CDH16: variants seen among roughly 807,000 people sequenced by gnomAD.
CDH16 encodes the protein cadherin 16.
CDH16 carries 79 observed loss-of-function variants against 87.6 expected under a neutral mutation model. The observed-to-expected ratio is 0.90, with a 90% CI of 0.75 to 1.09. The LOEUF (loss-of-function observed/expected upper bound fraction) is 1.09, where lower values mean the gene tolerates loss of function less well. Among genes scored for constraint, CDH16 ranks in the 50% least tolerant of loss-of-function variants. CDH16 has a pLI of 0.00. For missense variants in CDH16, 1,124 were observed against 1,071.7 expected (o/e 1.05, Z -0.68); for synonymous variants, 457 against 439.5 (o/e 1.04, Z -0.50).
In CDH16 at chr16:66,916,335, G is replaced by C; in HGVS notation, c.224C>G (p.Ser75Cys). The C allele has an allele frequency of 6.2e-7, 1 of 1,614,172 alleles. No homozygotes were observed. Among genetic ancestry groups the C allele is most frequent in the Non-Finnish European group, 8.5e-7 (1 of 1,179,990 alleles). Residue 75 changes from serine to cysteine, a missense_variant, in exon 4 of 18, where the codon TCT (serine) becomes TGT (cysteine). By Grantham distance (112) the Ser-to-Cys change is moderately radical (BLOSUM62 -1). Transcript: ENST00000299752. This position sits in a 1 kb window ranked among gnomAD's most constrained non-coding sequence, Gnocchi z 4.1. ...TEGPFAMDPD[S>C]GFLLVTRALD... ...GGCCCTGGTCACCAGCAGGAAGCCA[G>C]AATCTGGATCCATAGCAAATGGGCC... is the stretch of plus-strand genomic sequence containing the variant.
intron 1 of CDH16, 114 bp from the exon 2 acceptor site, chr16:66,918,192 A>G: frequency 1.5e-6 from 1 of 680,388 alleles, no homozygotes; most frequent in South Asian, 2.9e-5. Flanking sequence ...CTCCCCTCCA[A>G]AGGAGCTGAG....
chr16:66,909,043 A>T lies in CDH16; in HGVS notation c.2392+224T>A, dbSNP rs985406426. On this transcript the variant is annotated intron_variant, in intron 17 of 17. Transcript: ENST00000299752. This position sits in a 1 kb window ranked among gnomAD's most constrained non-coding sequence, Gnocchi z 4.1. ...GGTTGCTGGGAGGATTCCTGGCAAT[A>T]GTCCCTGCCACACAGTCAATGTGCA... Among the ~76,000 whole-genome samples the T allele has an allele frequency of 2.0e-5, 3 of 152,206 alleles. No homozygotes were observed. The highest frequency in any genetic ancestry group is 4.4e-5 in the Non-Finnish European group (3 of 68,038).
Position 66,909,345 on chromosome 16 carries a change from G to T in CDH16, c.2314C>A (p.Arg772Ser), listed in dbSNP as rs781254169. 5.9e-5 allele frequency: 94 copies of T among 1,600,778 alleles called. 1 individual carries two copies. The South Asian group carries it at 6.8e-4, about 12-fold the overall frequency. Reference protein sequence around the residue: ...CRCNVEGQCMRKVGRMKGMPT... With the variant: ...CRCNVEGQCMSKVGRMKGMPT... ...ATGCCCTTCATGCGGCCCACCTTGC[G>T]CATGCACTGCCCCTCCACGTTGCAG... Residue 772 changes from arginine to serine, a missense_variant, in exon 17 of 18, where the codon CGC becomes AGC. Physicochemically the swap from Arg to Ser is moderately radical, Grantham distance 110. Coordinates refer to ENST00000299752, the MANE Select transcript of CDH16 (RefSeq NM_004062.4). The surrounding 1 kb of genome is among the most constrained non-coding windows in gnomAD (Gnocchi z 4.1).
At chr16:66,917,593 C>T in intron 3 of CDH16, 49 bp downstream of exon 3, 1 of 1,362,028 alleles carries the variant, frequency 7.3e-7, no homozygotes, top group South Asian at 1.2e-5. Context: ...AGAAGCAGGA[C>T]TTTGCGGGGA....
At chr16:66,908,911 G>A (rs1962280002) in intron 17 of CDH16, among the ~76,000 whole-genome samples, 1 of 152,198 alleles carries the variant, frequency 6.6e-6, no homozygotes, top group African/African-American at 2.4e-5. Context: ...AGAAAGACCT[G>A]GGTTCTGTCA....
chr16:66,917,402 A>G (rs538350374), intron 3 of CDH16, among the ~76,000 whole-genome samples: 1 of 152,342 alleles, frequency 6.6e-6, no homozygotes, highest in Non-Finnish European at 1.5e-5. Context: ...ATTCCCCAAG[A>G]TATCTCATGA....
chr16:66,914,301 G>A lies in CDH16; in HGVS notation c.695C>T (p.Ser232Phe), dbSNP rs1962575829. The change falls in exon 7 of 18, where the codon TCC (serine) becomes TTC (phenylalanine). Residue 232 changes from serine (S) to phenylalanine (F), a missense_variant. Physicochemically the swap from Ser to Phe is radical, Grantham distance 155 (BLOSUM62 -2). Transcript: ENST00000299752. The part of the protein sequence containing the change: ...GHQATATVEV[S>F]IIESTWVSLE... ...GGACACCCAGGTGCTCTCTATGATG[G>A]AGACTTCCACGGTGGCAGTGGCCTG... The A allele has an allele frequency of 6.2e-7, 1 of 1,614,222 alleles. No individual in the cohort carries two copies. The highest frequency in any genetic ancestry group is 8.5e-7 in the Non-Finnish European group (1 of 1,180,026).
Position 66,916,232 on chromosome 16 carries a change from C to T in CDH16, c.286-29G>A. ...GCAGGGAAGGGGAGTCAGCGTCTGG[C>T]TCTGCCTTGCCTGCTCTCCCCTACA... On this transcript the variant is annotated intron_variant, in intron 4 of 17. Transcript: ENST00000299752. The surrounding 1 kb of genome is among the most constrained non-coding windows in gnomAD (Gnocchi z 4.1). The T allele has an allele frequency of 6.2e-7, 1 of 1,614,214 alleles. No individual in the cohort carries two copies. Among genetic ancestry groups the T allele is most frequent in the South Asian group, 1.1e-5 (1 of 91,086 alleles).
At chr16:66,910,659 A>C (rs1359155899) in intron 14 of CDH16, 157 bp from the exon 15 acceptor site, 2 of 782,494 alleles carry the variant, frequency 2.6e-6, no homozygotes, top group African/African-American at 3.5e-5. Flanking sequence ...TCCCCATGCC[A>C]CTGTGGACAT....
chr16:66,911,193 G>A lies in CDH16; in HGVS notation c.1913C>T (p.Ala638Val), dbSNP rs1243920228. ...PGDTYTVLVE[A>V]QDTDEPRLSA... ...CTGCCTGGCCATACCTGTATCCTGGGCCTCCACAAGCACCGTGTAGGTGTC... is the reference window on the plus strand; with the variant it reads ...CTGCCTGGCCATACCTGTATCCTGGACCTCCACAAGCACCGTGTAGGTGTC... Residue 638 changes from alanine (A) to valine (V), a missense_variant, in exon 14 of 18, where the codon GCC (alanine) becomes GTC (valine). Physicochemically the swap from Ala to Val is moderately conservative, Grantham distance 64 (BLOSUM62 0). Coordinates refer to ENST00000299752, the MANE Select transcript of CDH16 (RefSeq NM_004062.4). 6 of 1,612,450 alleles carry A rather than the reference G, an allele frequency of 3.7e-6. No individual in the cohort carries two copies. In the Admixed American group the frequency reaches 1.0e-4, roughly 27 times the overall value.
rs1567533345 is a variant in CDH16 at position 66,912,770 on chromosome 16, C to T, written c.1176G>A (p.Gln392=). The T allele has an allele frequency of 4.3e-6, 7 of 1,613,716 alleles. No individual in the cohort carries two copies. The highest frequency in any genetic ancestry group is 5.9e-6 in the Non-Finnish European group (7 of 1,180,026). Reference sequence around the variant, plus strand: ...TCACACTGCCTGAAGTGGGGTCCACCTGGAAGGCTCTCCCCTCTACCCCAT... The same window carrying T: ...TCACACTGCCTGAAGTGGGGTCCACTTGGAAGGCTCTCCCCTCTACCCCAT... ...PEDGVEGRAF[Q]VDPTSGSVTL... is the part of the protein sequence containing the mutation. Residue 392 remains glutamine (Q), a synonymous_variant, in exon 10 of 18, where the codon CAG becomes CAA. Transcript: ENST00000299752.
rs140255974 is a variant in CDH16 at position 66,910,278 on chromosome 16, G to T, written c.2149C>A (p.Arg717Ser). The change falls in exon 15 of 18, where the codon CGC becomes AGC. Residue 717 changes from arginine (R) to serine (S), a missense_variant. Physicochemically the swap from Arg to Ser is moderately radical, Grantham distance 110. Coordinates refer to ENST00000299752, the MANE Select transcript of CDH16 (RefSeq NM_004062.4). ...CACACACCATTGAGAGTCTGGAGGC[G>T]CCAATCCCGTTGCACCGTGGGGTTG... The part of the protein sequence containing the change: ...GPNPTVQRDW[R>S]LQTLNGSHAY... The T allele has an allele frequency of 1.2e-6, 2 of 1,605,400 alleles. No homozygotes were observed. Among genetic ancestry groups the T allele is most frequent in the East Asian group, 2.2e-5 (1 of 44,770 alleles).
chr16:66,908,412 G>C lies in CDH16; in HGVS notation c.2470C>G (p.Pro824Ala). ...KDPDQPADSVPLKATV is the reference protein window; with the variant it reads ...KDPDQPADSVALKATV ...GCCATTCAGACAGTCGCCTTCAGGG[G>C]CACGCTGTCTGCTGGTTGATCCGGG... The change falls in exon 18 of 18, where the codon CCC becomes GCC. Residue 824 changes from proline to alanine, a missense_variant. Pro to Ala is a conservative substitution (Grantham distance 27). Coordinates refer to ENST00000299752, the MANE Select transcript of CDH16 (RefSeq NM_004062.4). The C allele has an allele frequency of 6.2e-7, 1 of 1,613,976 alleles. No individual in the cohort carries two copies. Among genetic ancestry groups the C allele is most frequent in the Non-Finnish European group, 8.5e-7 (1 of 1,179,974 alleles).
chr16:66,916,487 C>T lies in CDH16; in HGVS notation c.130-58G>A. ...TGGCCAGGCCTGGGAGATGCCCCTC[C>T]TCCACCTGATGGCCTCATTTTACAT... On this transcript the variant is annotated intron_variant, in intron 3 of 17. Transcript: ENST00000299752. The surrounding 1 kb of genome is among the most constrained non-coding windows in gnomAD (Gnocchi z 4.1). The T allele has an allele frequency of 2.6e-6, 4 of 1,509,672 alleles. No individual in the cohort carries two copies. The highest frequency in any genetic ancestry group is 1.3e-5 in the South Asian group (1 of 75,672). The allele number at this position is 1,509,672 out of a possible 1,614,324, so 93.5% of individuals were successfully genotyped here. A position where few individuals can be genotyped will look rare whatever the true frequency, so the allele number is the denominator to read the frequency against.
intron 14 of CDH16, 35 bp downstream of exon 14, chr16:66,911,147 C>A: frequency 6.3e-7 from 1 of 1,583,440 alleles, no homozygotes; most frequent in Admixed American, 1.7e-5. Flanking sequence ...GGTTTGTACC[C>A]CCTCCCAGGG....
intron 13 of CDH16, 98 bp from the exon 14 acceptor site, chr16:66,911,413 C>T: frequency 8.1e-7 from 1 of 1,241,140 alleles, no homozygotes; most frequent in Non-Finnish European, 1.1e-6. Flanking sequence ...ATTCCACACC[C>T]TCTCTGTGAC....
Position 66,913,517 on chromosome 16 carries a change from CT to C in CDH16, c.876del (p.Glu293SerfsTer34). The C allele has an allele frequency of 6.2e-7, 1 of 1,614,162 alleles. No homozygotes were observed. The highest frequency in any genetic ancestry group is 8.5e-7 in the Non-Finnish European group (1 of 1,180,006). On this transcript the variant is annotated frameshift_variant, in exon 8 of 18. Transcript: ENST00000299752. LOFTEE classifies it high-confidence loss of function. Reference protein sequence around the residue: ...VNAEGNLYVTRELDREAQAEY... With the variant: ...VNAEGNLYVTXELDREAQAEY... ...TCAGCCTGGGCTTCTCTGTCCAGCT[CT>C]CTGGTCACGTAGAGGTTTCCCTCTG... is the stretch of plus-strand genomic sequence containing the variant.
intron 17 of CDH16, 130 bp from the exon 18 acceptor site, chr16:66,908,619 G>T: frequency 1.3e-6 from 1 of 756,638 alleles, no homozygotes. Flanking sequence ...CTGAGGCTGG[G>T]CTGGGTATGA....
rs560284937 is a variant in CDH16, at chr16:66,912,286, C to G, written c.1504G>C (p.Asp502His). 6.2e-7 allele frequency: 1 copy of G among 1,613,704 alleles called. No homozygotes were observed. The highest frequency in any genetic ancestry group is 2.2e-5 in the East Asian group (1 of 44,882). Residue 502 changes from aspartate (D) to histidine (H), a missense_variant, in exon 12 of 18, where the codon GAT becomes CAT. Physicochemically the swap from Asp to His is moderately conservative, Grantham distance 81 (BLOSUM62 -1). Coordinates refer to ENST00000299752, the MANE Select transcript of CDH16 (RefSeq NM_004062.4). The stretch of plus-strand genomic sequence containing the variant: ...ACATGCCCAGAGTCTGGCTCCCAAT[C>G]CAGGCCAAAAGTCCCTTCTGTGTCT... ...RGDTEGTFGLDWEPDSGHVRL... is the reference protein window; with the variant it reads ...RGDTEGTFGLHWEPDSGHVRL...
Sources: gnomAD v4.1 joint callset for allele counts (sites outside exome capture counted in the v4.1 genomes callset) on GRCh38, gnomAD v4.1.1 for gene constraint, Gnocchi (gnomAD v3.1) non-coding constraint, MANE v1.5 for transcripts, NCBI Gene and HGNC (gene_info 2026-07-23, HGNC 2026-07-21) for gene names.